Variants in FFAR4 observed in about 807,000 individuals in gnomAD.
The protein encoded by FFAR4 is G-protein coupled receptor 120.
In FFAR4, 19 loss-of-function variants were observed where a neutral mutation model predicts 27.0. The observed-to-expected ratio is 0.70, with a 90% CI of 0.49 to 1.03. FFAR4 has a LOEUF of 1.03. FFAR4 is among the 50% of genes least tolerant of loss of function. FFAR4 has a pLI of 0.00. For synonymous variants in FFAR4, 254 were observed against 215.6 expected (o/e 1.18, Z -1.56); for missense variants, 476 against 479.0 (o/e 0.99, Z 0.06).
In FFAR4 at chr10:93,587,287, T is replaced by A. The variant is rs776505136; in HGVS notation, c.764T>A (p.Val255Glu). 1 of 1,614,114 alleles carries A rather than the reference T, an allele frequency of 6.2e-7. No homozygotes were observed. The highest frequency in any genetic ancestry group is 2.2e-5 in the East Asian group (1 of 44,868). The change falls in exon 3 of 3, where the codon GTG becomes GAG. Residue 255 changes from valine to glutamate, a missense_variant. Val to Glu is a moderately radical substitution (Grantham distance 121). Coordinates refer to ENST00000371481, the MANE Select transcript of FFAR4 (RefSeq NM_001195755.2). ...LAYSESHQIR[V>E]SQQDFRLFRT... ...TACTCGGAGAGCCACCAGATCCGCG[T>A]GTCCCAGCAGGACTTCCGGCTCTTC...
chr10:93,578,821 A>G (rs760428077), intron 2 of FFAR4, among the ~76,000 whole-genome samples: 11 of 152,218 alleles, frequency 7.2e-5, no homozygotes, highest in South Asian at 4.1e-4. Flanking sequence ...GGAGCACATC[A>G]AGAACAAGGA....
At chr10:93,567,348 G>A in intron 1 of FFAR4, 61 bp downstream of exon 1, 1 of 1,451,404 alleles carries the variant, frequency 6.9e-7, no homozygotes, top group Non-Finnish European at 9.3e-7. Flanking sequence ...GCGGGGCCCC[G>A]ACGGAAGCTG....
chr10:93,583,819 T>TAGGTA (rs1460645782), intron 2 of FFAR4, among the ~76,000 whole-genome samples: 1 of 152,236 alleles, frequency 6.6e-6, no homozygotes, highest in Non-Finnish European at 1.5e-5. Flanking sequence ...AACTAAGTGA[T>TAGGTA]AGGTAAGGGC....
intron 1 of FFAR4, among the ~76,000 whole-genome samples, chr10:93,575,390 T>C (rs2058157955): frequency 6.6e-6 from 1 of 152,268 alleles, no homozygotes; most frequent in South Asian, 2.1e-4. Context: ...GTTGCAGTTC[T>C]TGCAGTTAGT....
chr10:93,587,592 T>C lies in FFAR4; in HGVS notation c.1069T>C (p.Ser357Pro), dbSNP rs750923572. 1.2e-6 allele frequency: 2 copies of C among 1,612,018 alleles called. No individual in the cohort carries two copies. The highest frequency in any genetic ancestry group is 2.7e-5 in the African/African-American group (2 of 74,808). Residue 357 changes from serine (S) to proline (P), a missense_variant, in exon 3 of 3, where the codon TCG (serine) becomes CCG (proline). Coordinates refer to ENST00000371481, the MANE Select transcript of FFAR4 (RefSeq NM_001195755.2). ...TDTSVKRNDL[S>P]IISG ...CACATCTGTCAAAAGAAATGACTTG[T>C]CGATTATTTCTGGCTAATTTTTCTT...
intron 2 of FFAR4, among the ~76,000 whole-genome samples, chr10:93,583,246 C>CAAAAAAAA (rs56030960): frequency 9.8e-6 from 1 of 102,288 alleles, no homozygotes. Flanking sequence ...ACTAAAAATA[C>CAAAAAAAA]AAAAAAAAAA....
Position 93,574,064 on chromosome 10 carries a change from C to T in FFAR4, c.568-2027C>T, listed in dbSNP as rs568996331. 2.1e-4 allele frequency among the ~76,000 whole-genome samples: 32 copies of T among 152,156 alleles called. 1 individual carries two copies. The South Asian group carries it at 3.7e-3, about 18-fold the overall frequency. Reference sequence around the variant, plus strand: ...CCTTCCATGTTTTTTTCTGTGCATGCGAGCACGTGAGTGTATGTGAGAGAG... The same window carrying T: ...CCTTCCATGTTTTTTTCTGTGCATGTGAGCACGTGAGTGTATGTGAGAGAG... On this transcript the variant is annotated intron_variant, in intron 1 of 2. Coordinates refer to ENST00000371481, the MANE Select transcript of FFAR4 (RefSeq NM_001195755.2).
intron 2 of FFAR4, among the ~76,000 whole-genome samples, chr10:93,585,314 G>C (rs904312526): frequency 3.3e-5 from 5 of 152,136 alleles, no homozygotes; most frequent in Admixed American, 3.3e-4. Flanking sequence ...GCTCACCTAG[G>C]TGTGCAAGGA....
chr10:93,579,121 C>G (rs368006474), intron 2 of FFAR4: 1 of 1,606,008 alleles, frequency 6.2e-7, no homozygotes, highest in Admixed American at 1.7e-5. Context: ...CACCTTGTGT[C>G]TAAACCCACA....
At chr10:93,583,415 CAAA>C (rs56306969) in intron 2 of FFAR4, among the ~76,000 whole-genome samples, 7 of 111,156 alleles carry the variant, frequency 6.3e-5, no homozygotes, top group African/African-American at 6.8e-5. Context: ...GACTCCGCTT[CAAA>C]AAAAAAAAAA....
intron 2 of FFAR4, among the ~76,000 whole-genome samples, chr10:93,579,521 A>G (rs2058186918): frequency 6.6e-6 from 1 of 152,090 alleles, no homozygotes; most frequent in Non-Finnish European, 1.5e-5. Flanking sequence ...TCAATCTCCA[A>G]TTCCTTATCC....
At chr10:93,582,655 A>G (rs1295472760) in intron 2 of FFAR4, among the ~76,000 whole-genome samples, 2 of 151,810 alleles carry the variant, frequency 1.3e-5, no homozygotes, top group African/African-American at 4.8e-5. Flanking sequence ...GCTCTGGGTC[A>G]CAGAAGACAC....
At chr10:93,567,595 A>G (rs2058106725) in intron 1 of FFAR4, among the ~76,000 whole-genome samples, 2 of 152,198 alleles carry the variant, frequency 1.3e-5, no homozygotes, top group Admixed American at 1.3e-4. Flanking sequence ...AGGGTGGCCA[A>G]ACACTTTGTA....
chr10:93,581,704 A>G (rs1413060039), intron 2 of FFAR4, among the ~76,000 whole-genome samples: 1 of 152,132 alleles, frequency 6.6e-6, no homozygotes, highest in African/African-American at 2.4e-5. Context: ...GTGGGCAAGA[A>G]TCACCCGGGG....
At chr10:93,582,398 G>C (rs1048458434) in intron 2 of FFAR4, among the ~76,000 whole-genome samples, 6 of 151,972 alleles carry the variant, frequency 3.9e-5, no homozygotes, top group Admixed American at 6.6e-5. Flanking sequence ...TTCACAATTA[G>C]CCAGGTGTAG....
At chr10:93,576,063 A>G (rs762085061) in intron 1 of FFAR4, 28 bp from the exon 2 acceptor site, 1 of 1,612,518 alleles carries the variant, frequency 6.2e-7, no homozygotes, top group African/African-American at 1.3e-5. Context: ...CAGCATTTAC[A>G]TGATGTTCTT....
chr10:93,586,617 CA>C (rs2058228602), intron 2 of FFAR4, among the ~76,000 whole-genome samples: 1 of 152,172 alleles, frequency 6.6e-6, no homozygotes, highest in Non-Finnish European at 1.5e-5. Flanking sequence ...CTTCTCTGTG[CA>C]GATATGGCCC....
At chr10:93,582,541 T>A (rs1278146297) in intron 2 of FFAR4, among the ~76,000 whole-genome samples, 1 of 66,882 alleles carries the variant, frequency 1.5e-5, no homozygotes. Flanking sequence ...CGAAACTCCA[T>A]CTCAAAAAAA....
rs539341268 is a variant in FFAR4 at position 93,581,442 on chromosome 10, G to A, written c.696+5223G>A. 2.6e-5 allele frequency among the ~76,000 whole-genome samples: 4 copies of A among 152,310 alleles called. No homozygotes were observed. The South Asian group carries it at 8.3e-4, about 32-fold the overall frequency. On this transcript the variant is annotated intron_variant, in intron 2 of 2. Transcript: ENST00000371481. ...TTGATTGACCAAGCAGCTCCCAGAG[G>A]AGACTCAACCTTCAGGGTTGAGTCC...
Sources: allele counts gnomAD v4.1 joint callset (sites outside exome capture counted in the v4.1 genomes callset), GRCh38; gene constraint gnomAD v4.1.1; transcripts MANE v1.5; gene names NCBI Gene and HGNC (gene_info 2026-07-23, HGNC 2026-07-21).